The following FRAS1 variants were observed in gnomAD, a reference collection of about 807,000 sequenced individuals.
The protein encoded by FRAS1 is extracellular matrix organizing protein FRAS1.
A neutral mutation model predicts 435.2 loss-of-function variants in FRAS1; 290 were observed. The observed-to-expected ratio is 0.67, with a 90% CI of 0.61 to 0.73. The LOEUF (loss-of-function observed/expected upper bound fraction) is 0.73, where lower values mean the gene tolerates loss of function less well. Ranked by LOEUF, FRAS1 falls within the 30% of genes least tolerant of loss-of-function variation. The pLI is 0.00. For synonymous variants in FRAS1, 1,800 were observed against 1,851.0 expected (o/e 0.97, Z 0.71); for missense variants, 4,860 against 5,001.5 (o/e 0.97, Z 0.85).
chr4:78,465,685 C>T (rs894351595), intron 49 of FRAS1, among the ~76,000 whole-genome samples: 2 of 135,370 alleles, frequency 1.5e-5, no homozygotes, highest in Non-Finnish European at 3.4e-5. Context: ...GGGACTAGGT[C>T]ACAGAGGGCC....
chr4:78,073,828 G>A (rs1236438529), intron 2 of FRAS1, among the ~76,000 whole-genome samples: 1 of 152,118 alleles, frequency 6.6e-6, no homozygotes, highest in Non-Finnish European at 1.5e-5. Context: ...ATTTTATGTG[G>A]ATGACATTTT....
At chr4:78,512,806 G>A (rs542232361) in intron 64 of FRAS1, among the ~76,000 whole-genome samples, 204 of 152,342 alleles carry the variant, frequency 1.3e-3, no homozygotes, top group African/African-American at 4.8e-3. Context: ...GGCTGGACAC[G>A]TAGTGCTGAT....
chr4:78,376,621 A>G lies in FRAS1; in HGVS notation c.3292+742A>G, dbSNP rs575813843. Among the ~76,000 whole-genome samples the G allele has an allele frequency of 4.6e-5, 7 of 152,316 alleles. No homozygotes were observed. In the South Asian group the frequency reaches 1.4e-3, roughly 32 times the overall value. On this transcript the variant is annotated intron_variant, in intron 26 of 73. Coordinates refer to ENST00000512123, the MANE Select transcript of FRAS1 (RefSeq NM_025074.7). ...GATAAATTATAAATAAATAACAAAT[A>G]GTATGAGGAGTCTGCTTCATGAGGT...
chr4:78,126,206 C>T (rs1245844241), intron 2 of FRAS1, among the ~76,000 whole-genome samples: 1 of 152,068 alleles, frequency 6.6e-6, no homozygotes, highest in East Asian at 1.9e-4. Flanking sequence ...ACCCACCGAG[C>T]CAGGCACAGG....
In FRAS1 at chr4:78,318,919, C is replaced by T. The variant is rs531800217; in HGVS notation, c.2070C>T (p.Ile690=). The part of the protein sequence containing the change: ...LQVEQLSDVG[I]PSGECLAQCR... ...TGGAGCAGCTGTCTGACGTGGGCAT[C>T]CCCTCTGGCGAGTGTCTAGCCCAGT... The change falls in exon 18 of 74, where the codon ATC becomes ATT. Residue 690 remains isoleucine (I), a synonymous_variant. Coordinates refer to ENST00000512123, the MANE Select transcript of FRAS1 (RefSeq NM_025074.7). The T allele has an allele frequency of 2.4e-5, 39 of 1,613,988 alleles. No homozygotes were observed. In the African/African-American group the frequency reaches 4.7e-4, roughly 19 times the overall value.
Position 78,432,376 on chromosome 4 carries a change from G to T in FRAS1, c.4989G>T (p.Glu1663Asp). Residue 1663 changes from glutamate to aspartate, a missense_variant, in exon 38 of 74, where the codon GAG becomes GAT. Coordinates refer to ENST00000512123, the MANE Select transcript of FRAS1 (RefSeq NM_025074.7). ...TGGAAGGTGACACTTTCACCTATGAGGATGTTGAGAAAAATGCTCTACAGT... is the reference window on the plus strand; with the variant it reads ...TGGAAGGTGACACTTTCACCTATGATGATGTTGAGAAAAATGCTCTACAGT... ...PMATGDTFTY[E>D]DVEKNALQYI... 6.2e-7 allele frequency: 1 copy of T among 1,602,038 alleles called. No homozygotes were observed. Among genetic ancestry groups the T allele is most frequent in the East Asian group, 2.2e-5 (1 of 44,730 alleles).
intron 2 of FRAS1, among the ~76,000 whole-genome samples, chr4:78,067,985 T>G (rs1740136608): frequency 6.6e-6 from 1 of 151,770 alleles, no homozygotes; most frequent in Non-Finnish European, 1.5e-5. Context: ...GCCTGCTACA[T>G]TTGTTTCTGA....
At chr4:78,112,080 G>T (rs1376593313) in intron 2 of FRAS1, among the ~76,000 whole-genome samples, 1 of 152,010 alleles carries the variant, frequency 6.6e-6, no homozygotes, top group Non-Finnish European at 1.5e-5. Flanking sequence ...CTTCACCTTA[G>T]GGAATGTGTT....
intron 45 of FRAS1, among the ~76,000 whole-genome samples, chr4:78,450,998 C>T (rs150926854): frequency 1.3e-5 from 2 of 152,018 alleles, no homozygotes; most frequent in African/African-American, 4.8e-5. Context: ...ACAAGTGTCC[C>T]GCCCACACAC....
chr4:78,204,073 A>C (rs1723154927), intron 2 of FRAS1, among the ~76,000 whole-genome samples: 1 of 152,238 alleles, frequency 6.6e-6, no homozygotes, highest in Non-Finnish European at 1.5e-5. Context: ...CATGAATTAT[A>C]GTGCTGTTGG....
At chr4:78,431,948 A>G (rs1459504189) in intron 37 of FRAS1, among the ~76,000 whole-genome samples, 1 of 152,180 alleles carries the variant, frequency 6.6e-6, no homozygotes, top group Non-Finnish European at 1.5e-5. Flanking sequence ...TATTTTCTTA[A>G]CTTTTTCAAA....
In FRAS1 at chr4:78,363,628, C is replaced by T; in HGVS notation, c.2538C>T (p.Cys846=). The T allele has an allele frequency of 6.2e-7, 1 of 1,602,778 alleles. No individual in the cohort carries two copies. ...LLLGDHCVPD[C]PSGYYAERGA... is the part of the protein sequence containing the mutation. ...TCGGGGACCACTGTGTTCCTGACTG[C>T]CCTTCAGGATACTATGCAGAGAGAG... The change falls in exon 21 of 74, where the codon TGC becomes TGT. Residue 846 remains cysteine (C), a synonymous_variant. Coordinates refer to ENST00000512123, the MANE Select transcript of FRAS1 (RefSeq NM_025074.7).
intron 9 of FRAS1, among the ~76,000 whole-genome samples, chr4:78,269,077 T>C (rs928617783): frequency 1.3e-5 from 2 of 152,234 alleles, no homozygotes; most frequent in Non-Finnish European, 2.9e-5. Flanking sequence ...TTAACCAACA[T>C]TGACTCTGAT....
intron 14 of FRAS1, among the ~76,000 whole-genome samples, chr4:78,303,636 C>T (rs1031708465): frequency 2.6e-5 from 4 of 151,866 alleles, no homozygotes; most frequent in Admixed American, 1.3e-4. Flanking sequence ...GGGAGTTCAC[C>T]CATTATTTGG....
At chr4:78,315,873 T>C (rs72866323) in intron 16 of FRAS1, 139 bp downstream of exon 16, 30,504 of 940,340 alleles carry the variant, frequency 0.032, 949 homozygotes, top group African/African-American at 0.13. Context: ...TTTTTCATTA[T>C]GAAGCCAATG....
rs56291926 is a variant in FRAS1, at chr4:78,466,211, G to T, written c.7033G>T (p.Glu2345Ter). 1.2e-6 allele frequency: 2 copies of T among 1,613,614 alleles called. No individual in the cohort carries two copies. The highest frequency in any genetic ancestry group is 2.2e-5 in the South Asian group (2 of 91,042). Residue 2345 changes from glutamate (E) to a stop codon, truncating the protein, a stop_gained, in exon 50 of 74, where the codon GAG (glutamate) becomes TAG (stop). Coordinates refer to ENST00000512123, the MANE Select transcript of FRAS1 (RefSeq NM_025074.7). LOFTEE classifies it high-confidence loss of function. ...TGGTATTTTGCCTTCCGGACAGGCC[G>T]AGTCTGTCACATTCACCATCGTGCA... The part of the protein sequence containing the change: ...LKAVDADTEA[E>*]SVTFTIVQPP...
chr4:78,440,954 A>G (rs990755153), intron 40 of FRAS1, among the ~76,000 whole-genome samples: 4 of 152,200 alleles, frequency 2.6e-5, no homozygotes, highest in Non-Finnish European at 5.9e-5. Flanking sequence ...AGAAGTCATC[A>G]TGTCTGACTG....
At chr4:78,227,394 A>G (rs1307713178) in intron 2 of FRAS1, among the ~76,000 whole-genome samples, 1 of 152,188 alleles carries the variant, frequency 6.6e-6, no homozygotes, top group Non-Finnish European at 1.5e-5. Context: ...CTTCAAAGCA[A>G]ATTTTTAAAT....
chr4:78,157,664 G>GT (rs1038863569), intron 2 of FRAS1, among the ~76,000 whole-genome samples: 2 of 152,096 alleles, frequency 1.3e-5, no homozygotes, highest in African/African-American at 4.8e-5. Flanking sequence ...TAATTTGGTT[G>GT]TTTTTTGCTT....
Sources: allele counts gnomAD v4.1 joint callset (sites outside exome capture counted in the v4.1 genomes callset), GRCh38; gene constraint gnomAD v4.1.1; transcripts MANE v1.5; gene names NCBI Gene and HGNC (gene_info 2026-07-23, HGNC 2026-07-21).